The following OSBPL3 variants were observed in gnomAD, a reference collection of about 807,000 sequenced individuals.
OSBPL3 encodes the protein oxysterol binding protein like 3, also known as oxysterol-binding protein-related protein 3.
Under a neutral mutation model 120.1 loss-of-function variants are expected in OSBPL3, and 65 were observed. That is an observed-to-expected ratio of 0.54 (90% CI 0.44 to 0.67). The LOEUF is 0.67. OSBPL3 is among the 30% of genes least tolerant of loss of function. The pLI, the probability that OSBPL3 is intolerant of heterozygous loss-of-function variation, is 0.00. For missense variants in OSBPL3, 1,004 were observed against 1,082.1 expected (o/e 0.93, Z 1.01); for synonymous variants, 416 against 402.6 (o/e 1.03, Z -0.40).
In OSBPL3 at chr7:24,879,828, C is replaced by T. The variant is rs1803397209; in HGVS notation, c.97-7759G>A. 6.6e-6 allele frequency among the ~76,000 whole-genome samples: 1 copy of T among 152,210 alleles called. No individual in the cohort carries two copies. The highest frequency in any genetic ancestry group is 1.5e-5 in the Non-Finnish European group (1 of 68,038). ...ATATGACTATTTCCACGCTGTTGAT[C>T]ACTCACTCAGCATTTATGGCTACAA... On this transcript the variant is annotated intron_variant, in intron 2 of 22. Transcript: ENST00000313367. This position sits in a 1 kb window ranked among gnomAD's most constrained non-coding sequence, Gnocchi z 5.6.
At chr7:24,845,688 T>A (rs1386513114) in intron 12 of OSBPL3, among the ~76,000 whole-genome samples, 1 of 151,830 alleles carries the variant, frequency 6.6e-6, no homozygotes, top group African/African-American at 2.4e-5. Flanking sequence ...CTAATCAACA[T>A]TCCTTTTGCA....
intron 16 of OSBPL3, among the ~76,000 whole-genome samples, chr7:24,826,059 C>G (rs1381251567): frequency 6.6e-6 from 1 of 152,090 alleles, no homozygotes; most frequent in Non-Finnish European, 1.5e-5. Context: ...GGAACATAGC[C>G]AACTGAAATA....
intron 2 of OSBPL3, among the ~76,000 whole-genome samples, chr7:24,882,007 C>T (rs1803758349): frequency 1.3e-5 from 2 of 151,624 alleles, no homozygotes; most frequent in African/African-American, 4.8e-5. Context: ...TCTGAGCTGC[C>T]CTACTCATCT....
chr7:24,816,733 G>T, intron 17 of OSBPL3, 45 bp from the exon 18 acceptor site: 2 of 1,248,562 alleles, frequency 1.6e-6, no homozygotes, highest in Non-Finnish European at 2.4e-6. Flanking sequence ...GGAGAGGTAG[G>T]TAGATGAAAT....
rs996302918 is a variant in OSBPL3, at chr7:24,932,898, A to C, written c.-149-40277T>G. ...AAGAAACAAAAACTTTCAAGACTCC[A>C]ACTGGTCCCCGGGGACAGACCCCCA... On this transcript the variant is annotated intron_variant, in intron 1 of 22. Transcript: ENST00000313367. This position sits in a 1 kb window ranked among gnomAD's most constrained non-coding sequence, Gnocchi z 5.6. 3.2e-4 allele frequency among the ~76,000 whole-genome samples: 48 copies of C among 152,358 alleles called. No individual in the cohort carries two copies. Among genetic ancestry groups the C allele is most frequent in the African/African-American group, 1.2e-3 (48 of 41,584 alleles).
At position 24,938,458 on chromosome 7, in the gene OSBPL3, G is replaced by A. The variant is rs1241205669; in HGVS notation, c.-150+41428C>T. ...TTGCCACATGAAAATCCACAGGTAG[G>A]CATTCCAAAGCTGATATGGCAGCTT... On this transcript the variant is annotated intron_variant, in intron 1 of 22. Coordinates refer to ENST00000313367, the MANE Select transcript of OSBPL3 (RefSeq NM_015550.4). The surrounding 1 kb of genome is among the most constrained non-coding windows in gnomAD (Gnocchi z 5.8). 6.6e-6 allele frequency among the ~76,000 whole-genome samples: 1 copy of A among 152,288 alleles called. No homozygotes were observed. The highest frequency in any genetic ancestry group is 2.4e-5 in the African/African-American group (1 of 41,558).
Position 24,918,225 on chromosome 7 carries a change from G to T in OSBPL3, c.-149-25604C>A. On this transcript the variant is annotated intron_variant, in intron 1 of 22. Coordinates refer to ENST00000313367, the MANE Select transcript of OSBPL3 (RefSeq NM_015550.4). This position sits in a 1 kb window ranked among gnomAD's most constrained non-coding sequence, Gnocchi z 4.3. ...AACTGACCATCACATAAACACCATA[G>T]CAATGTTCAGAAGCTGGCAGTGTGC... 5.2e-6 allele frequency: 1 copy of T among 191,850 alleles called. No individual in the cohort carries two copies. The highest frequency in any genetic ancestry group is 9.6e-6 in the Non-Finnish European group (1 of 104,300). 11.9% of individuals were successfully genotyped at this position (191,850 alleles called of 1,614,324 possible). A position where few individuals can be genotyped will look rare whatever the true frequency, so the allele number is the denominator to read the frequency against.
At chr7:24,924,503 A>G (rs1292780426) in intron 1 of OSBPL3, among the ~76,000 whole-genome samples, 2 of 152,198 alleles carry the variant, frequency 1.3e-5, no homozygotes, top group Non-Finnish European at 2.9e-5. Flanking sequence ...GGATTCCTAC[A>G]CAGAACTGGT....
chr7:24,954,666 G>C lies in OSBPL3; in HGVS notation c.-150+25220C>G, dbSNP rs144451249. Among the ~76,000 whole-genome samples the C allele has an allele frequency of 3.7e-3, 564 of 152,094 alleles. 2 individuals carry two copies. The highest frequency in any genetic ancestry group is 0.013 in the African/African-American group (526 of 41,490). On this transcript the variant is annotated intron_variant, in intron 1 of 22. Coordinates refer to ENST00000313367, the MANE Select transcript of OSBPL3 (RefSeq NM_015550.4). ...ACCCCATCTCCTACAAATAAACTTA[G>C]GTTCTTCCAACAGTACGTTGAAAAG...
At chr7:24,848,904 C>T (rs1374880726) in intron 12 of OSBPL3, among the ~76,000 whole-genome samples, 165 bp downstream of exon 12, 2 of 152,134 alleles carry the variant, frequency 1.3e-5, no homozygotes, top group African/African-American at 2.4e-5. Context: ...CGTTTGAGCC[C>T]GAGACCCCAG....
In OSBPL3 at chr7:24,804,863, G is replaced by A. The variant is rs116500324; in HGVS notation, c.2445-426C>T. On this transcript the variant is annotated intron_variant, in intron 21 of 22. Coordinates refer to ENST00000313367, the MANE Select transcript of OSBPL3 (RefSeq NM_015550.4). This position sits in a 1 kb window ranked among gnomAD's most constrained non-coding sequence, Gnocchi z 5.4. ...GCATGCTATGTATCCCTTGATTTTT[G>A]GTTTTGGTTTATTTTTTATTTAACA... is the stretch of plus-strand genomic sequence containing the variant. 8.7e-3 allele frequency among the ~76,000 whole-genome samples: 1,330 copies of A among 152,034 alleles called. 13 individuals carry two copies. Among genetic ancestry groups the A allele is most frequent in the African/African-American group, 0.03 (1,246 of 41,472 alleles).
At chr7:24,897,849 C>T (rs993981444) in intron 1 of OSBPL3, among the ~76,000 whole-genome samples, 2 of 152,194 alleles carry the variant, frequency 1.3e-5, no homozygotes, top group African/African-American at 2.4e-5. Context: ...AACACAGCTA[C>T]TTATTAATCC....
chr7:24,926,364 A>G (rs1811047496), intron 1 of OSBPL3, among the ~76,000 whole-genome samples: 1 of 152,230 alleles, frequency 6.6e-6, no homozygotes, highest in African/African-American at 2.4e-5. Context: ...TGCTCAGGAC[A>G]TGCTCTACCT....
Position 24,835,268 on chromosome 7 carries a change from CAG to C in OSBPL3, c.1496-534_1496-533del, listed in dbSNP as rs1168898853. On this transcript the variant is annotated intron_variant, in intron 14 of 22. Transcript: ENST00000313367. This position sits in a 1 kb window ranked among gnomAD's most constrained non-coding sequence, Gnocchi z 4.8. The stretch of plus-strand genomic sequence containing the variant: ...TTTTATATTCTGCTTGTTCAGCTAA[CAG>C]AGTATTTTTCCATATTATTTAAAAT... Among the ~76,000 whole-genome samples the C allele has an allele frequency of 6.6e-6, 1 of 151,794 alleles. No individual in the cohort carries two copies. The highest frequency in any genetic ancestry group is 1.5e-5 in the Non-Finnish European group (1 of 67,992).
intron 1 of OSBPL3, 36 bp downstream of exon 1, chr7:24,979,850 C>CCCAGGCCCCCCGACAG: frequency 1.0e-6 from 1 of 970,950 alleles, no homozygotes; most frequent in Non-Finnish European, 1.2e-6. Context: ...CCCCCCGACA[C>CCCAGGCCCCCCGACAG]CCAGGCCCCA....
rs1172750770 is a variant in OSBPL3 at position 24,885,560 on chromosome 7, AT to A, written c.96+6816del. Among the ~76,000 whole-genome samples the A allele has an allele frequency of 3.9e-5, 6 of 152,360 alleles. No individual in the cohort carries two copies. In the East Asian group the frequency reaches 9.6e-4, roughly 25 times the overall value. ...AACTTACCTAGCAATAGATCTCTCC[AT>A]TTCAAAACCCCTGCAATCATGAGTG... is the stretch of plus-strand genomic sequence containing the variant. On this transcript the variant is annotated intron_variant, in intron 2 of 22. Transcript: ENST00000313367.
At chr7:24,895,032 C>T (rs922164362) in intron 1 of OSBPL3, among the ~76,000 whole-genome samples, 1 of 152,192 alleles carries the variant, frequency 6.6e-6, no homozygotes, top group African/African-American at 2.4e-5. Context: ...CAGCCCCTCC[C>T]ATGCCCAGCC....
At position 24,881,930 on chromosome 7, in the gene OSBPL3, T is replaced by C. The variant is rs562203781; in HGVS notation, c.97-9861A>G. Among the ~76,000 whole-genome samples, 1 of 152,282 alleles carries C rather than the reference T, an allele frequency of 6.6e-6. No homozygotes were observed. Among genetic ancestry groups the C allele is most frequent in the Admixed American group, 6.5e-5 (1 of 15,294 alleles). On this transcript the variant is annotated intron_variant, in intron 2 of 22. Coordinates refer to ENST00000313367, the MANE Select transcript of OSBPL3 (RefSeq NM_015550.4). This position sits in a 1 kb window ranked among gnomAD's most constrained non-coding sequence, Gnocchi z 4.3. ...CCATCACATCACCTTTTCCTCTATG[T>C]CTGTCTTCTCCCGAACGTGTTTCTT...
intron 19 of OSBPL3, among the ~76,000 whole-genome samples, chr7:24,812,486 C>T (rs555449958): frequency 1.3e-4 from 20 of 152,080 alleles, no homozygotes; most frequent in Non-Finnish European, 2.5e-4. Flanking sequence ...GCCAGTCCAG[C>T]CCAGAGGATT....
Sources: allele counts gnomAD v4.1 joint callset (sites outside exome capture counted in the v4.1 genomes callset), GRCh38; gene constraint gnomAD v4.1.1; non-coding constraint Gnocchi (gnomAD v3.1); transcripts MANE v1.5; gene names NCBI Gene and HGNC (gene_info 2026-07-23, HGNC 2026-07-21).